Variants in ROCK2 observed in about 807,000 individuals in gnomAD.
ROCK2 encodes rho-associated protein kinase 2.
Under a neutral mutation model 195.1 loss-of-function variants are expected in ROCK2, and 61 were observed. That is an observed-to-expected ratio of 0.31 (90% CI 0.25 to 0.39). The LOEUF (loss-of-function observed/expected upper bound fraction) is 0.39, where lower values mean the gene tolerates loss of function less well. ROCK2 is among the 10% of genes least tolerant of loss of function. The pLI is 1.00. For synonymous variants in ROCK2, 504 were observed against 545.5 expected (o/e 0.92, Z 1.06); for missense variants, 1,109 against 1,637.4 (o/e 0.68, Z 5.57).
intron 5 of ROCK2, among the ~76,000 whole-genome samples, chr2:11,228,557 T>C (rs1005740528): frequency 6.6e-6 from 1 of 152,146 alleles, no homozygotes; most frequent in African/African-American, 2.4e-5. Context: ...GGACAAATTA[T>C]GAACAAGACA....
At chr2:11,245,703 T>C (rs544728345) in intron 4 of ROCK2, among the ~76,000 whole-genome samples, 3 of 152,142 alleles carry the variant, frequency 2.0e-5, no homozygotes, top group Admixed American at 2.0e-4. Context: ...TTACATCACA[T>C]TGCAAGCAAG....
chr2:11,232,023 T>C (rs960941469), intron 5 of ROCK2, among the ~76,000 whole-genome samples: 2 of 152,208 alleles, frequency 1.3e-5, no homozygotes, highest in Non-Finnish European at 2.9e-5. Context: ...TCTTCTTTTT[T>C]TTAAACAAAC....
chr2:11,337,020 A>G (rs1572426670), intron 1 of ROCK2, among the ~76,000 whole-genome samples: 1 of 152,192 alleles, frequency 6.6e-6, no homozygotes. Context: ...AGGCGGGTGG[A>G]TCACTTGAGG....
intron 25 of ROCK2, among the ~76,000 whole-genome samples, chr2:11,198,050 C>G (rs1242721675): frequency 1.3e-5 from 2 of 152,144 alleles, no homozygotes; most frequent in African/African-American, 4.8e-5. Context: ...GGAGGAAGAA[C>G]ATTTTGCAGT....
intron 32 of ROCK2, among the ~76,000 whole-genome samples, chr2:11,190,367 A>T (rs199544048): frequency 3.7e-3 from 152 of 40,830 alleles, no homozygotes; most frequent in Middle Eastern, 0.014. Flanking sequence ...GAAGTTTTTT[A>T]AAAAAAAAAA....
At chr2:11,267,967 G>A (rs931705006) in intron 3 of ROCK2, among the ~76,000 whole-genome samples, 1 of 151,566 alleles carries the variant, frequency 6.6e-6, no homozygotes, top group African/African-American at 2.4e-5. Context: ...TTTTAAGACA[G>A]GGCAACAGGT....
At chr2:11,295,990 G>GAGAGAGAGAGAGAA (rs1553313903) in intron 1 of ROCK2, among the ~76,000 whole-genome samples, 1 of 28,424 alleles carries the variant, frequency 3.5e-5, no homozygotes, top group South Asian at 1.7e-3. Context: ...GAGAGAGAGA[G>GAGAGAGAGAGAGAA]GAGAGAGAGA....
chr2:11,218,554 T>A lies in ROCK2; in HGVS notation c.1321-88A>T, dbSNP rs565886171. ...TCCTAAAACACAAACCATAACAAAA[T>A]TATCCAACCTAATGCTTTAGCTTTC... On this transcript the variant is annotated intron_variant, in intron 10 of 32. Transcript: ENST00000315872. 1.9e-3 allele frequency: 1,726 copies of A among 905,384 alleles called. 5 individuals are homozygous for A. Among genetic ancestry groups the A allele is most frequent in the Non-Finnish European group, 2.6e-3 (1,551 of 606,986 alleles). The allele number at this position is 905,384 out of a possible 1,614,324, so 56.1% of individuals were successfully genotyped here.
At chr2:11,264,535 A>T (rs1666347664) in intron 3 of ROCK2, among the ~76,000 whole-genome samples, 1 of 152,148 alleles carries the variant, frequency 6.6e-6, no homozygotes, top group Non-Finnish European at 1.5e-5. Flanking sequence ...AAACATTCTG[A>T]TTTCACACAT....
intron 1 of ROCK2, among the ~76,000 whole-genome samples, chr2:11,288,818 TC>T (rs979229554): frequency 1.3e-5 from 2 of 152,078 alleles, no homozygotes; most frequent in African/African-American, 4.8e-5. Flanking sequence ...ACACCTGTAA[TC>T]CCAGCTACTT....
At chr2:11,228,762 G>GAC (rs749715032) in intron 5 of ROCK2, among the ~76,000 whole-genome samples, 2 of 151,856 alleles carry the variant, frequency 1.3e-5, no homozygotes, top group Non-Finnish European at 2.9e-5. Flanking sequence ...ACTTACTGGA[G>GAC]ACACACACAC....
At position 11,224,385 on chromosome 2, in the gene ROCK2, A is replaced by C. The variant is rs1664743708; in HGVS notation, c.944T>G (p.Phe315Cys). ...TTTGGAAATTTCTGCATCTTCAGGG[A>C]AACACAGTGAATTCTTATGATCCAT... ...KIMDHKNSLC[F>C]PEDAEISKHA... The change falls in exon 7 of 33, where the codon TTC becomes TGC. Residue 315 changes from phenylalanine to cysteine, a missense_variant. Phe to Cys is a radical substitution (Grantham distance 205). This residue lies in a region of ROCK2 where 253 missense variants were observed against 455.5 expected (regional missense o/e 0.56). Coordinates refer to ENST00000315872, the MANE Select transcript of ROCK2 (RefSeq NM_004850.5). 6.2e-7 allele frequency: 1 copy of C among 1,613,202 alleles called. No homozygotes were observed. The highest frequency in any genetic ancestry group is 1.3e-5 in the African/African-American group (1 of 74,888).
intron 9 of ROCK2, among the ~76,000 whole-genome samples, chr2:11,220,223 G>T (rs543623163): frequency 2.0e-5 from 3 of 151,912 alleles, no homozygotes; most frequent in African/African-American, 7.3e-5. Context: ...TCTCTATGTC[G>T]GTCAGGCTGG....
intron 3 of ROCK2, among the ~76,000 whole-genome samples, chr2:11,252,459 C>A (rs922950668): frequency 1.3e-5 from 2 of 151,820 alleles, no homozygotes; most frequent in East Asian, 3.9e-4. Context: ...GGGTATATAC[C>A]CAAAGGATTA....
Position 11,227,396 on chromosome 2 carries a change from T to C in ROCK2, c.726A>G (p.Thr242=). The part of the protein sequence containing the change: ...DFGTCMKMDE[T]GMVHCDTAVG... ...CTGCTGTATCACAATGTACCATGCC[T>C]GTCTGCATGAACAGGAGAGATAAAG... The change falls in exon 6 of 33, where the codon ACA becomes ACG. Residue 242 remains threonine, a splice_region_variant and synonymous_variant. Transcript: ENST00000315872. The C allele has an allele frequency of 3.7e-6, 6 of 1,610,192 alleles. No homozygotes were observed. The highest frequency in any genetic ancestry group is 4.2e-6 in the Non-Finnish European group (5 of 1,178,402).
In ROCK2 at chr2:11,198,703, G is replaced by A. The variant is rs1259740983; in HGVS notation, c.2982C>T (p.Asn994=). The A allele has an allele frequency of 1.2e-6, 2 of 1,607,784 alleles. No individual in the cohort carries two copies. Among genetic ancestry groups the A allele is most frequent in the African/African-American group, 2.7e-5 (2 of 74,708 alleles). Residue 994 remains asparagine, a synonymous_variant, in exon 24 of 33, where the codon AAC becomes AAT. Transcript: ENST00000315872. The part of the protein sequence containing the change: ...NLANEKEELN[N]KLKDVQEQLS... ...TACGCTCTTGAACATCTTTCAATTTGTTATTTAATTCTTCTTTCTCATTTG... is the reference window on the plus strand; with the variant it reads ...TACGCTCTTGAACATCTTTCAATTTATTATTTAATTCTTCTTTCTCATTTG...
intron 9 of ROCK2, among the ~76,000 whole-genome samples, chr2:11,220,710 C>G (rs1664609706): frequency 6.6e-6 from 1 of 152,100 alleles, no homozygotes; most frequent in Non-Finnish European, 1.5e-5. Context: ...CACAACTGTC[C>G]CCTAACCTCC....
intron 1 of ROCK2, among the ~76,000 whole-genome samples, chr2:11,295,988 GAGGAGAGAGAGAGAGAGGAGAGAGA>G (rs1459075208): frequency 2.3e-4 from 10 of 43,750 alleles, no homozygotes; most frequent in Non-Finnish European, 5.5e-4. Flanking sequence ...GAGAGAGAGA[GAGGAGAGAGAGAGAGAGGAGAGAGA>G]GAGAGAGAGA....
At chr2:11,334,510 CAAAAA>C (rs34182610) in intron 1 of ROCK2, among the ~76,000 whole-genome samples, 4 of 89,674 alleles carry the variant, frequency 4.5e-5, no homozygotes, top group Non-Finnish European at 6.4e-5. Flanking sequence ...GACTCTGTCT[CAAAAA>C]AAAAAAAAAA....
Sources: gnomAD v4.1 joint callset for allele counts (sites outside exome capture counted in the v4.1 genomes callset) on GRCh38, gnomAD v4.1.1 for gene constraint, gnomAD v4.1.1 regional missense constraint, MANE v1.5 for transcripts, NCBI Gene and HGNC (gene_info 2026-07-23, HGNC 2026-07-21) for gene names.